The following DSCAM variants were observed in gnomAD, a reference collection of about 807,000 sequenced individuals.
DSCAM encodes cell adhesion molecule DSCAM.
Under a neutral mutation model 217.7 loss-of-function variants are expected in DSCAM, and 47 were observed. The observed-to-expected ratio is 0.22, with a 90% CI of 0.17 to 0.28. The LOEUF is 0.28. Among genes scored for constraint, DSCAM ranks in the 10% least tolerant of loss-of-function variants. The pLI is 1.00. For missense variants in DSCAM, 2,080 were observed against 2,618.3 expected, an observed-to-expected ratio of 0.79 and a Z score of 4.49; for synonymous variants, 1,056 against 1,015.3, an observed-to-expected ratio of 1.04 and a Z score of -0.76.
At chr21:40,604,564 C>T (rs13047241) in intron 3 of DSCAM, among the ~76,000 whole-genome samples, 37,073 of 152,044 alleles carry the variant, frequency 0.24, 4,865 homozygotes, top group Middle Eastern at 0.34. Flanking sequence ...TGAGGTTTTA[C>T]ATGAATCTGG....
intron 11 of DSCAM, among the ~76,000 whole-genome samples, chr21:40,266,789 TATATATATATAC>T (rs1199400918): frequency 2.2e-5 from 3 of 135,190 alleles, no homozygotes; most frequent in Non-Finnish European, 3.1e-5. Flanking sequence ...TATATATATA[TATATATATATAC>T]ACACACACAC....
At chr21:40,151,966 G>A (rs1310867768) in intron 16 of DSCAM, among the ~76,000 whole-genome samples, 3 of 152,088 alleles carry the variant, frequency 2.0e-5, no homozygotes, top group Non-Finnish European at 2.9e-5. Context: ...TTAAAAGAAG[G>A]ATTCCAGAAA....
chr21:40,291,359 C>A (rs1045247845), intron 10 of DSCAM, among the ~76,000 whole-genome samples: 2 of 152,206 alleles, frequency 1.3e-5, no homozygotes, highest in African/African-American at 4.8e-5. Flanking sequence ...CCCAGCTAGC[C>A]TCCTAGCTTC....
intron 3 of DSCAM, among the ~76,000 whole-genome samples, chr21:40,392,452 G>A (rs966421299): frequency 6.6e-6 from 1 of 152,072 alleles, no homozygotes; most frequent in South Asian, 2.1e-4. Context: ...TTAGAAAATG[G>A]TACTCCTGTA....
intron 11 of DSCAM, among the ~76,000 whole-genome samples, chr21:40,224,830 T>A (rs2091317353): frequency 6.6e-6 from 1 of 152,206 alleles, no homozygotes; most frequent in African/African-American, 2.4e-5. Flanking sequence ...CATATTTATA[T>A]GCCAGTGAAT....
At chr21:40,545,270 G>T (rs1318104323) in intron 3 of DSCAM, among the ~76,000 whole-genome samples, 1 of 152,186 alleles carries the variant, frequency 6.6e-6, no homozygotes, top group African/African-American at 2.4e-5. Context: ...ATCAATGTCT[G>T]TTGTTTAAGC....
chr21:40,706,193 AAAAGAAAGAAAG>A (rs1198503107), intron 2 of DSCAM, among the ~76,000 whole-genome samples: 11 of 148,894 alleles, frequency 7.4e-5, no homozygotes, highest in Non-Finnish European at 1.6e-4. Flanking sequence ...AAAAAAAAAA[AAAAGAAAGAAAG>A]AAAGAAAGAA....
At position 40,340,505 on chromosome 21, in the gene DSCAM, A is replaced by G. The variant is rs1246988809; in HGVS notation, c.1211-1090T>C. Among the ~76,000 whole-genome samples, 5 of 152,216 alleles carry G rather than the reference A, an allele frequency of 3.3e-5. No individual in the cohort carries two copies. The East Asian group carries it at 7.7e-4, about 23-fold the overall frequency. On this transcript the variant is annotated intron_variant, in intron 6 of 32. Transcript: ENST00000400454. Reference sequence around the variant, plus strand: ...CAATAGGTCAGCCAGCCTCAGGCATACAAATCAACACTGTGACACATTTTT... The same window carrying G: ...CAATAGGTCAGCCAGCCTCAGGCATGCAAATCAACACTGTGACACATTTTT...
intron 1 of DSCAM, among the ~76,000 whole-genome samples, chr21:40,795,986 G>A (rs2091688116): frequency 6.6e-6 from 1 of 152,136 alleles, no homozygotes; most frequent in Admixed American, 6.5e-5. Flanking sequence ...ATAATTACAG[G>A]CATTTATTGA....
intron 32 of DSCAM, among the ~76,000 whole-genome samples, chr21:40,031,228 G>C (rs1364043629): frequency 1.3e-5 from 2 of 152,146 alleles, no homozygotes; most frequent in Non-Finnish European, 2.9e-5. Context: ...ATGTACCTTA[G>C]AGAACAGTGA....
At chr21:40,346,265 A>T (rs2074556362) in intron 6 of DSCAM, among the ~76,000 whole-genome samples, 1 of 152,238 alleles carries the variant, frequency 6.6e-6, no homozygotes, top group African/African-American at 2.4e-5. Context: ...TATGAATACC[A>T]TGCCTTCAGC....
intron 3 of DSCAM, among the ~76,000 whole-genome samples, chr21:40,454,439 A>T (rs2075746995): frequency 6.6e-6 from 1 of 152,236 alleles, no homozygotes; most frequent in African/African-American, 2.4e-5. Context: ...CTCAATTTTC[A>T]ATTACCCAAT....
At chr21:40,841,280 A>C (rs1364231072) in intron 1 of DSCAM, among the ~76,000 whole-genome samples, 2 of 152,158 alleles carry the variant, frequency 1.3e-5, no homozygotes, top group Non-Finnish European at 2.9e-5. Context: ...TCACCTGCAG[A>C]AAACATCCGT....
rs114931093 is a variant in DSCAM at position 40,164,276 on chromosome 21, G to A, written c.3018+2942C>T. 6.2e-3 allele frequency among the ~76,000 whole-genome samples: 940 copies of A among 152,216 alleles called. 9 individuals carry two copies. The highest frequency in any genetic ancestry group is 0.022 in the African/African-American group (905 of 41,540). On this transcript the variant is annotated intron_variant, in intron 16 of 32. Transcript: ENST00000400454. ...AGCCTCAAATGAGCAGGAATGGACAGGAGAGGTAAGCATGTTACAAACTGC... is the reference window on the plus strand; with the variant it reads ...AGCCTCAAATGAGCAGGAATGGACAAGAGAGGTAAGCATGTTACAAACTGC...
At chr21:40,629,494 A>C (rs1053235342) in intron 3 of DSCAM, 2 of 152,214 alleles carry the variant, frequency 1.3e-5, no homozygotes, top group African/African-American at 2.4e-5. Flanking sequence ...CAATGAAACA[A>C]GAGGAGAAGT....
At position 40,708,637 on chromosome 21, in the gene DSCAM, G is replaced by C; in HGVS notation, c.178C>G (p.Leu60Val). ...TCGTAGATCTCCTCGCCCGTGGCTA[G>C]GTACCATCTGAGAGTCACAGGAGGG... The part of the protein sequence containing the change: ...GIPPVTLRWY[L>V]ATGEEIYDVP... Residue 60 changes from leucine to valine, a missense_variant, in exon 2 of 33, where the codon CTA becomes GTA. Physicochemically the swap from Leu to Val is conservative, Grantham distance 32. Around this residue, in one of 5 missense-constraint regions of DSCAM, gnomAD observed 568 missense variants for 678.1 expected, o/e 0.84. Coordinates refer to ENST00000400454, the MANE Select transcript of DSCAM (RefSeq NM_001389.5). The C allele has an allele frequency of 6.2e-7, 1 of 1,613,308 alleles. No individual in the cohort carries two copies. Among genetic ancestry groups the C allele is most frequent in the Non-Finnish European group, 8.5e-7 (1 of 1,179,654 alleles).
chr21:40,299,844 C>T (rs2073995263), intron 9 of DSCAM, among the ~76,000 whole-genome samples: 2 of 152,164 alleles, frequency 1.3e-5, no homozygotes, highest in South Asian at 4.2e-4. Flanking sequence ...TTTAAAGAAA[C>T]TATTAATATT....
chr21:40,836,731 G>A (rs575924631), intron 1 of DSCAM, among the ~76,000 whole-genome samples: 2 of 152,288 alleles, frequency 1.3e-5, no homozygotes, highest in African/African-American at 2.4e-5. Context: ...CGTTAATAAT[G>A]CAAATTCACA....
In DSCAM at chr21:40,063,405, T is replaced by C. The variant is rs114404784; in HGVS notation, c.4889-506A>G. Among the ~76,000 whole-genome samples, 976 of 152,250 alleles carry C rather than the reference T, an allele frequency of 6.4e-3. 12 individuals are homozygous for C. The highest frequency in any genetic ancestry group is 0.022 in the African/African-American group (918 of 41,552). ...TTGAATTCAGAAATTAAAAAAACTT[T>C]ATTTTTTTTTTCTCTGAGCACATTG... On this transcript the variant is annotated intron_variant, in intron 27 of 32. Transcript: ENST00000400454.
Sources: gnomAD v4.1 joint callset for allele counts (sites outside exome capture counted in the v4.1 genomes callset) on GRCh38, gnomAD v4.1.1 for gene constraint, gnomAD v4.1.1 regional missense constraint, MANE v1.5 for transcripts, NCBI Gene and HGNC (gene_info 2026-07-23, HGNC 2026-07-21) for gene names.